Variants in LRRC37A2 observed in about 807,000 individuals in gnomAD.
The protein encoded by LRRC37A2 is leucine-rich repeat-containing protein 37A2.
Under a neutral mutation model 68.8 loss-of-function variants are expected in LRRC37A2, and 9 were observed. That is an observed-to-expected ratio of 0.13 (90% CI 0.08 to 0.23). The LOEUF (loss-of-function observed/expected upper bound fraction) is 0.23, where lower values mean the gene tolerates loss of function less well. Among genes scored for constraint, LRRC37A2 ranks in the 10% least tolerant of loss-of-function variants. LRRC37A2 has a pLI of 1.00. For missense variants in LRRC37A2, 168 were observed against 950.4 expected (o/e 0.18, Z 10.82); for synonymous variants, 63 against 367.6 (o/e 0.17, Z 9.48).
chr17:46,711,181 G>A, the LRRC37A2 span: 4 of 1,395,920 alleles, frequency 2.9e-6, no homozygotes, highest in Non-Finnish European at 3.8e-6. Flanking sequence ...TTTTTTAAAA[G>A]CCCGTAAGCA....
chr17:46,894,579 G>A, the LRRC37A2 span, among the ~76,000 whole-genome samples: 13 of 152,304 alleles, frequency 8.5e-5, no homozygotes, highest in Admixed American at 2.6e-4. Context: ...CCGGCACTGC[G>A]GGGGTCCCCT....
the LRRC37A2 span, among the ~76,000 whole-genome samples, chr17:46,811,683 G>A: frequency 6.6e-6 from 1 of 152,258 alleles, no homozygotes; most frequent in East Asian, 1.9e-4. Context: ...GGCTGGGTGC[G>A]GTGGCTCACG....
At chr17:46,952,701 A>G in the LRRC37A2 span, 1 of 152,254 alleles carries the variant, frequency 6.6e-6, no homozygotes, top group African/African-American at 2.4e-5. Flanking sequence ...TGATCCGAGA[A>G]GAAAGCAAAA....
the LRRC37A2 span, among the ~76,000 whole-genome samples, chr17:46,823,095 T>C: frequency 8.1e-5 from 9 of 110,520 alleles, no homozygotes; most frequent in South Asian, 7.7e-4. Flanking sequence ...AAATATGTAT[T>C]ATATAATAAA....
chr17:46,831,099 C>A, the LRRC37A2 span, among the ~76,000 whole-genome samples: 2 of 152,176 alleles, frequency 1.3e-5, no homozygotes, highest in African/African-American at 4.8e-5. Context: ...GGTATGCATG[C>A]AGCTATAGAG....
the LRRC37A2 span, chr17:46,917,236 C>A: frequency 3.9e-5 from 6 of 152,212 alleles, no homozygotes; most frequent in African/African-American, 1.4e-4. Flanking sequence ...AGACTCAAGG[C>A]ATGATTCATC....
At chr17:46,907,373 T>G in the LRRC37A2 span, among the ~76,000 whole-genome samples, 3 of 151,728 alleles carry the variant, frequency 2.0e-5, no homozygotes, top group Admixed American at 2.0e-4. Context: ...ACCGTGGCAG[T>G]GAGTACTCGG....
intron 2 of LRRC37A2, among the ~76,000 whole-genome samples, chr17:46,516,021 CT>C (rs2051226142): frequency 1.6e-5 from 2 of 124,792 alleles, no homozygotes; most frequent in Non-Finnish European, 3.3e-5. Context: ...AGGGAAGAGG[CT>C]GGGTGTGGTG....
the LRRC37A2 span, among the ~76,000 whole-genome samples, chr17:46,803,764 C>T: frequency 6.6e-6 from 1 of 152,242 alleles, no homozygotes; most frequent in Non-Finnish European, 1.5e-5. Context: ...TTGACCAGCC[C>T]TTGGCCACAG....
chr17:46,729,220 T>C, the LRRC37A2 span, among the ~76,000 whole-genome samples: 19 of 152,252 alleles, frequency 1.2e-4, no homozygotes, highest in East Asian at 3.7e-3. Context: ...ATATTACATA[T>C]CCCTACTACC....
intron 6 of LRRC37A2, among the ~76,000 whole-genome samples, chr17:46,531,819 T>C (rs2145219774): frequency 9.2e-6 from 1 of 109,174 alleles, no homozygotes; most frequent in South Asian, 2.9e-4. Flanking sequence ...TTCATTAAAT[T>C]CAAAAGACAA....
the LRRC37A2 span, among the ~76,000 whole-genome samples, chr17:46,764,861 A>G: frequency 6.6e-6 from 1 of 151,812 alleles, no homozygotes; most frequent in Non-Finnish European, 1.5e-5. Flanking sequence ...TCGAAATTCT[A>G]CCTCCCCCAC....
At chr17:46,790,571 C>T in the LRRC37A2 span, among the ~76,000 whole-genome samples, 1 of 152,164 alleles carries the variant, frequency 6.6e-6, no homozygotes, top group African/African-American at 2.4e-5. Flanking sequence ...TCCCCCTGGG[C>T]CCCACCTCCT....
chr17:47,014,205 C>T, the LRRC37A2 span, among the ~76,000 whole-genome samples: 1 of 152,006 alleles, frequency 6.6e-6, no homozygotes, highest in Non-Finnish European at 1.5e-5. Context: ...GCCTGGCCAA[C>T]ATGGTGAAAC....
the LRRC37A2 span, among the ~76,000 whole-genome samples, chr17:46,899,764 C>A: frequency 4.9e-4 from 75 of 152,150 alleles, no homozygotes; most frequent in African/African-American, 1.6e-3. Context: ...ATAGGGTGAA[C>A]TTTATGTGAA....
chr17:47,033,653 C>T, the LRRC37A2 span, among the ~76,000 whole-genome samples: 1 of 152,172 alleles, frequency 6.6e-6, no homozygotes, highest in African/African-American at 2.4e-5. Flanking sequence ...GTCCTTTCAT[C>T]TCTCTCTCCT....
chr17:46,732,855 G>A, the LRRC37A2 span, among the ~76,000 whole-genome samples: 3 of 152,154 alleles, frequency 2.0e-5, no homozygotes, highest in African/African-American at 4.8e-5. Context: ...CCGGAAAAAA[G>A]GGCTTCTCTG....
the LRRC37A2 span, among the ~76,000 whole-genome samples, chr17:46,499,413 T>C: frequency 6.6e-6 from 1 of 150,420 alleles, no homozygotes; most frequent in Non-Finnish European, 1.5e-5. Context: ...TCTAGAAGTC[T>C]GAAAACGCAG....
the LRRC37A2 span, chr17:46,818,818 A>C: frequency 3.3e-6 from 2 of 611,446 alleles, no homozygotes; most frequent in Non-Finnish European, 5.8e-6. Context: ...AAGGTAAGAG[A>C]TGAGTCTGTA....
Sources: allele counts gnomAD v4.1 joint callset (sites outside exome capture counted in the v4.1 genomes callset), GRCh38; gene constraint gnomAD v4.1.1; transcripts MANE v1.5; gene names NCBI Gene and HGNC (gene_info 2026-07-23, HGNC 2026-07-21).